The following ADCYAP1R1 variants were observed in gnomAD, a reference collection of about 807,000 sequenced individuals.
ADCYAP1R1 encodes pituitary adenylate cyclase-activating polypeptide type I receptor.
ADCYAP1R1 carries 44 observed loss-of-function variants against 67.6 expected under a neutral mutation model. The ratio of observed to expected loss-of-function variants is 0.65; its 90% CI spans 0.51 to 0.84. ADCYAP1R1 has a LOEUF of 0.84. Ranked by LOEUF, ADCYAP1R1 falls within the 40% of genes least tolerant of loss-of-function variation. The pLI, the probability that ADCYAP1R1 is intolerant of heterozygous loss-of-function variation, is 0.00. For synonymous variants in ADCYAP1R1, 222 were observed against 219.6 expected (o/e 1.01, Z -0.10); for missense variants, 477 against 587.9 (o/e 0.81, Z 1.95).
intron 5 of ADCYAP1R1, among the ~76,000 whole-genome samples, chr7:31,081,159 G>A (rs2128627908): frequency 6.6e-6 from 1 of 152,200 alleles, no homozygotes. Flanking sequence ...GGGATGGGGT[G>A]GAAATGGGGT....
intron 3 of ADCYAP1R1, among the ~76,000 whole-genome samples, chr7:31,069,827 A>C (rs1469396869): frequency 1.3e-5 from 2 of 152,130 alleles, no homozygotes; most frequent in African/African-American, 4.8e-5. Flanking sequence ...GGCCGTGGGG[A>C]GTGAAAGCAA....
chr7:31,058,722 C>T (rs1038308306), intron 1 of ADCYAP1R1, among the ~76,000 whole-genome samples: 1 of 152,194 alleles, frequency 6.6e-6, no homozygotes, highest in African/African-American at 2.4e-5. Flanking sequence ...TGACCAGCCC[C>T]TGGAGGTGTG....
chr7:31,062,475 A>C (rs1334035976), intron 1 of ADCYAP1R1, among the ~76,000 whole-genome samples: 1 of 152,224 alleles, frequency 6.6e-6, no homozygotes, highest in African/African-American at 2.4e-5. Context: ...CAGCTGGAAC[A>C]AAGAGGCCTT....
intron 13 of ADCYAP1R1, among the ~76,000 whole-genome samples, chr7:31,097,295 C>T (rs560560212): frequency 1.4e-4 from 22 of 152,328 alleles, no homozygotes; most frequent in African/African-American, 3.6e-4. Context: ...CAGAATTTAC[C>T]GCATCAGTCA....
At position 31,108,522 on chromosome 7, in the gene ADCYAP1R1, CATGGCCT is replaced by C. The variant is rs1796729620; in HGVS notation, c.*1840_*1846del. On this transcript the variant is annotated 3_prime_UTR_variant, in exon 16 of 16. Coordinates refer to ENST00000304166, the MANE Select transcript of ADCYAP1R1 (RefSeq NM_001118.5). ...GGGGTCTGGGCTGCTTGGAAGGAGC[CATGGCCT>C]AGGGTTCAGGGAACTAGACTCTATC... is the stretch of plus-strand genomic sequence containing the variant. 1 of 152,246 alleles carries C rather than the reference CATGGCCT, an allele frequency of 6.6e-6. No individual in the cohort carries two copies. Among genetic ancestry groups the C allele is most frequent in the South Asian group, 2.1e-4 (1 of 4,834 alleles). The allele number at this position is 152,246 out of a possible 1,614,324, so 9.4% of individuals were successfully genotyped here.
At chr7:31,103,513 CT>C in intron 14 of ADCYAP1R1, 147 bp downstream of exon 14, 1 of 1,127,326 alleles carries the variant, frequency 8.9e-7, no homozygotes, top group Non-Finnish European at 1.3e-6. Context: ...GCTGTCTACC[CT>C]TAGGGCTCCT....
chr7:31,085,453 C>T lies in ADCYAP1R1; in HGVS notation c.669+11C>T. ...TGCTTCATCTCCACTGTGAGTGAGC[C>T]AAGCAGACCCATTAGGGCTCTGCCG... On this transcript the variant is annotated intron_variant, in intron 9 of 15. Coordinates refer to ENST00000304166, the MANE Select transcript of ADCYAP1R1 (RefSeq NM_001118.5). 1.2e-6 allele frequency: 2 copies of T among 1,610,712 alleles called. No individual in the cohort carries two copies. Among genetic ancestry groups the T allele is most frequent in the Non-Finnish European group, 8.5e-7 (1 of 1,179,274 alleles).
chr7:31,062,124 T>C (rs1418059242), intron 1 of ADCYAP1R1, among the ~76,000 whole-genome samples: 1 of 152,258 alleles, frequency 6.6e-6, no homozygotes, highest in East Asian at 1.9e-4. Context: ...CATATGCTTC[T>C]TTTTGTCCAA....
intron 13 of ADCYAP1R1, among the ~76,000 whole-genome samples, chr7:31,098,516 C>T (rs1796297424): frequency 6.6e-6 from 1 of 152,142 alleles, no homozygotes. Flanking sequence ...TTCTAAGAAG[C>T]TCTCAGGTGG....
chr7:31,074,180 G>A (rs761455862), intron 3 of ADCYAP1R1, among the ~76,000 whole-genome samples: 58 of 152,304 alleles, frequency 3.8e-4, no homozygotes, highest in Admixed American at 4.6e-4. Flanking sequence ...CGTGAATCAT[G>A]GTGGAGGGGG....
intron 13 of ADCYAP1R1, among the ~76,000 whole-genome samples, chr7:31,096,395 GCTCACAAAGCCTCCAT>G (rs1796196325): frequency 6.6e-6 from 1 of 152,166 alleles, no homozygotes; most frequent in Admixed American, 6.5e-5. Context: ...GAGCCTTCCA[GCTCACAAAGCCTCCAT>G]CTTCCACTTC....
intron 1 of ADCYAP1R1, among the ~76,000 whole-genome samples, chr7:31,061,842 G>T (rs985641504): frequency 6.6e-6 from 1 of 152,186 alleles, no homozygotes; most frequent in African/African-American, 2.4e-5. Context: ...TGGTGGGGGG[G>T]TGTGCGAAGA....
At chr7:31,085,230 G>A in intron 8 of ADCYAP1R1, 80 bp from the exon 9 acceptor site, 2 of 1,542,668 alleles carry the variant, frequency 1.3e-6, no homozygotes, top group Non-Finnish European at 8.7e-7. Flanking sequence ...CACAGAGTTG[G>A]CCCACCACAG....
chr7:31,105,811 G>T (rs1796618299), intron 15 of ADCYAP1R1, among the ~76,000 whole-genome samples: 1 of 152,222 alleles, frequency 6.6e-6, no homozygotes, highest in Admixed American at 6.5e-5. Flanking sequence ...GTGAAAGTAG[G>T]AGCTGGAACT....
intron 13 of ADCYAP1R1, among the ~76,000 whole-genome samples, chr7:31,100,915 G>A (rs1451317022): frequency 6.6e-6 from 1 of 152,200 alleles, no homozygotes; most frequent in Non-Finnish European, 1.5e-5. Context: ...CATCTCTGAT[G>A]CCCTTCTTGG....
At chr7:31,101,085 C>T (rs1796415861) in intron 13 of ADCYAP1R1, among the ~76,000 whole-genome samples, 1 of 152,184 alleles carries the variant, frequency 6.6e-6, no homozygotes, top group African/African-American at 2.4e-5. Flanking sequence ...CTAGAGACTC[C>T]TTGTCTGTCC....
At chr7:31,063,676 G>T (rs1200594274) in intron 2 of ADCYAP1R1, among the ~76,000 whole-genome samples, 1 of 152,144 alleles carries the variant, frequency 6.6e-6, no homozygotes, top group Non-Finnish European at 1.5e-5. Context: ...GAACTCAGAA[G>T]CCTGCCCCCT....
chr7:31,080,595 T>C lies in ADCYAP1R1; in HGVS notation c.266-18T>C. ...CTCACCTCTGACTTTTCTCTCTCTC[T>C]CTTTCTCTCTGTTTCAGTCTGGGAG... On this transcript the variant is annotated intron_variant, in intron 4 of 15. Transcript: ENST00000304166. The C allele has an allele frequency of 6.2e-7, 1 of 1,612,876 alleles. No individual in the cohort carries two copies. The highest frequency in any genetic ancestry group is 8.5e-7 in the Non-Finnish European group (1 of 1,179,942).
rs1795770715 is a variant in ADCYAP1R1, at chr7:31,086,960, G to A, written c.841G>A (p.Val281Met). 1 of 1,614,188 alleles carries A rather than the reference G, an allele frequency of 6.2e-7. No individual in the cohort carries two copies. Among genetic ancestry groups the A allele is most frequent in the East Asian group, 2.2e-5 (1 of 44,878 alleles). The change falls in exon 11 of 16, where the codon GTG becomes ATG. Residue 281 changes from valine (V) to methionine (M), a missense_variant. Val to Met is a conservative substitution (Grantham distance 21). Transcript: ENST00000304166. The surrounding 1 kb of genome is among the most constrained non-coding windows in gnomAD (Gnocchi z 5.0). Reference protein sequence around the residue: ...IIGWGTPTVCVTVWATLRLYF... With the variant: ...IIGWGTPTVCMTVWATLRLYF... ...TCTCCCAGGGACCCCAACTGTGTGT[G>A]TGACAGTGTGGGCTACGCTGAGACT...
Sources: gnomAD v4.1 joint callset for allele counts (sites outside exome capture counted in the v4.1 genomes callset) on GRCh38, gnomAD v4.1.1 for gene constraint, Gnocchi (gnomAD v3.1) non-coding constraint, MANE v1.5 for transcripts, NCBI Gene and HGNC (gene_info 2026-07-23, HGNC 2026-07-21) for gene names.